The following RYR2 variants were observed in gnomAD, a reference collection of about 807,000 sequenced individuals.
RYR2 encodes ryanodine receptor 2, also known as cardiac muscle ryanodine receptor-calcium release channel.
In RYR2, 227 loss-of-function variants were observed where a neutral mutation model predicts 601.1. The ratio of observed to expected loss-of-function variants is 0.38; its 90% CI spans 0.34 to 0.42. RYR2 has a LOEUF of 0.42. Among genes scored for constraint, RYR2 ranks in the 10% least tolerant of loss-of-function variants. RYR2 has a pLI of 1.00. For synonymous variants in RYR2, 2,223 were observed against 2,175.1 expected, an observed-to-expected ratio of 1.02 and a Z score of -0.61; for missense variants, 4,646 against 6,156.5, an observed-to-expected ratio of 0.75 and a Z score of 8.21.
intron 1 of RYR2, among the ~76,000 whole-genome samples, chr1:237,115,242 C>G (rs889858337): frequency 2.0e-5 from 3 of 152,108 alleles, no homozygotes; most frequent in Non-Finnish European, 4.4e-5. Flanking sequence ...CCACACCCCC[C>G]CCCTTGCTCT....
chr1:237,267,288 G>C (rs1689172911), intron 1 of RYR2, among the ~76,000 whole-genome samples: 1 of 152,226 alleles, frequency 6.6e-6, no homozygotes, highest in African/African-American at 2.4e-5. Flanking sequence ...GGAGGCCGAG[G>C]TGGGTGGATT....
At chr1:237,254,908 T>C (rs1444318032) in intron 1 of RYR2, among the ~76,000 whole-genome samples, 1 of 152,192 alleles carries the variant, frequency 6.6e-6, no homozygotes, top group African/African-American at 2.4e-5. Context: ...GGAGATGCCT[T>C]GGAGTGCTAA....
intron 63 of RYR2, among the ~76,000 whole-genome samples, chr1:237,697,561 CCTG>C (rs1001312424): frequency 6.9e-5 from 10 of 144,056 alleles, no homozygotes; most frequent in African/African-American, 2.3e-4. Context: ...TTAACTGTGG[CCTG>C]CTATTATGTT....
chr1:237,792,406 T>TGTGTGC lies in RYR2; in HGVS notation c.13782+88_13782+89insCGTGTG, dbSNP rs1658556619. On this transcript the variant is annotated intron_variant, in intron 94 of 104. Transcript: ENST00000366574. ...GCGTGTGTGTGTGTGTGCGTGTGTG[T>TGTGTGC]GTGTGTGTGTGTGTGTGTTTTGCAG... 7.1e-6 allele frequency: 5 copies of TGTGTGC among 704,702 alleles called. No homozygotes were observed. In the African/African-American group the frequency reaches 9.1e-5, roughly 13 times the overall value. The allele number at this position is 704,702 out of a possible 1,614,324, so 43.7% of individuals were successfully genotyped here. A position where few individuals can be genotyped will look rare whatever the true frequency, so the allele number is the denominator to read the frequency against.
At position 237,456,882 on chromosome 1, in the gene RYR2, G is replaced by A. The variant is rs1327644838; in HGVS notation, c.1612+147G>A. 4.8e-6 allele frequency: 4 copies of A among 838,764 alleles called. No homozygotes were observed. The South Asian group carries it at 8.0e-5, about 17-fold the overall frequency. 52.0% of individuals were successfully genotyped at this position (838,764 alleles called of 1,614,324 possible). ...ATTTGAGGCCAGGAATTTGAGACCA[G>A]CCTGGACAACATAGCAAGACCCCAT... On this transcript the variant is annotated intron_variant, in intron 16 of 104. Coordinates refer to ENST00000366574, the MANE Select transcript of RYR2 (RefSeq NM_001035.3).
chr1:237,668,061 A>T, intron 58 of RYR2, 103 bp downstream of exon 58: 2 of 868,574 alleles, frequency 2.3e-6, no homozygotes, highest in South Asian at 3.5e-5. Context: ...TAACTTTTTA[A>T]AATCAGAACG....
chr1:237,514,243 A>G (rs1399460317), intron 24 of RYR2, among the ~76,000 whole-genome samples: 2 of 152,220 alleles, frequency 1.3e-5, no homozygotes, highest in Non-Finnish European at 2.9e-5. Flanking sequence ...TTAGCAATTG[A>G]CAGCTAAGCC....
chr1:237,797,950 T>C, intron 96 of RYR2, 87 bp from the exon 97 acceptor site: 1 of 1,210,480 alleles, frequency 8.3e-7, no homozygotes, highest in African/African-American at 1.6e-5. Context: ...ACAGTAAGTA[T>C]AAAAATAATT....
intron 6 of RYR2, 105 bp from the exon 7 acceptor site, chr1:237,374,612 C>G: frequency 1.1e-6 from 1 of 878,634 alleles, no homozygotes; most frequent in South Asian, 1.4e-5. Context: ...GAGCTGTGAT[C>G]ACGCCACTGC....
intron 99 of RYR2, 58 bp downstream of exon 99, chr1:237,806,341 A>G (rs1185153544): frequency 2.7e-6 from 4 of 1,506,736 alleles, no homozygotes; most frequent in Middle Eastern, 3.5e-4. Context: ...AAATAAAACA[A>G]AGAAAAATAA....
chr1:237,493,079 T>C lies in RYR2; in HGVS notation c.1953T>C (p.His651=), dbSNP rs1663595328. 6.2e-7 allele frequency: 1 copy of C among 1,613,660 alleles called. No individual in the cohort carries two copies. The highest frequency in any genetic ancestry group is 1.3e-5 in the African/African-American group (1 of 75,048). The change falls in exon 19 of 105, where the codon CAT becomes CAC. Residue 651 remains histidine, a synonymous_variant. Transcript: ENST00000366574. The part of the protein sequence containing the change: ...DLLLQTRLVN[H]VSSMRPNIFL... Reference sequence around the variant, plus strand: ...TATTGCAGACACGTCTTGTGAACCATGTCAGCAGGTAAATTCAGACAGACA... The same window carrying C: ...TATTGCAGACACGTCTTGTGAACCACGTCAGCAGGTAAATTCAGACAGACA...
At chr1:237,268,935 CAAAAA>C (rs1160004017) in intron 1 of RYR2, among the ~76,000 whole-genome samples, 1 of 16,226 alleles carries the variant, frequency 6.2e-5, no homozygotes, top group African/African-American at 1.8e-4. Context: ...ACTCTTGTCT[CAAAAA>C]AAAAAAAAAA....
chr1:237,491,513 CTG>C, intron 17 of RYR2, among the ~76,000 whole-genome samples: 1 of 152,230 alleles, frequency 6.6e-6, no homozygotes, highest in Non-Finnish European at 1.5e-5. Flanking sequence ...GGCCCCACCT[CTG>C]TGTTGCTTCG....
intron 59 of RYR2, 110 bp downstream of exon 59, chr1:237,674,329 G>A: frequency 1.2e-6 from 1 of 861,980 alleles, no homozygotes. Flanking sequence ...TTACACTTTT[G>A]AGGTACTGTT....
At chr1:237,050,727 A>G (rs1473511074) in intron 1 of RYR2, among the ~76,000 whole-genome samples, 3 of 152,222 alleles carry the variant, frequency 2.0e-5, no homozygotes, top group East Asian at 1.9e-4. Context: ...TCAAGAAAAG[A>G]AAAAGAAAGC....
chr1:237,685,459 T>C lies in RYR2; in HGVS notation c.9018-1996T>C, dbSNP rs187290139. Reference sequence around the variant, plus strand: ...TGAGACATAGAGCAGTCTGCCATTATAGCAAAACATCCTAGGTTTGGATTA... The same window carrying C: ...TGAGACATAGAGCAGTCTGCCATTACAGCAAAACATCCTAGGTTTGGATTA... On this transcript the variant is annotated intron_variant, in intron 62 of 104. Coordinates refer to ENST00000366574, the MANE Select transcript of RYR2 (RefSeq NM_001035.3). Among the ~76,000 whole-genome samples, 8 of 152,342 alleles carry C rather than the reference T, an allele frequency of 5.3e-5. No individual in the cohort carries two copies. The East Asian group carries it at 1.5e-3, about 29-fold the overall frequency.
At chr1:237,507,602 C>T (rs549438663) in intron 23 of RYR2, among the ~76,000 whole-genome samples, 1 of 152,272 alleles carries the variant, frequency 6.6e-6, no homozygotes, top group East Asian at 1.9e-4. Context: ...TGTGATACTC[C>T]ACACTACTCA....
chr1:237,548,231 A>G (rs1670022785), intron 25 of RYR2, among the ~76,000 whole-genome samples, 200 bp from the exon 26 acceptor site: 1 of 152,200 alleles, frequency 6.6e-6, no homozygotes, highest in Non-Finnish European at 1.5e-5. Flanking sequence ...AAACAAAAAC[A>G]CAAAGATTAT....
Position 237,510,619 on chromosome 1 carries a change from A to T in RYR2, c.2719-1069A>T, listed in dbSNP as rs146507844. Among the ~76,000 whole-genome samples the T allele has an allele frequency of 1.6e-3, 240 of 152,304 alleles. 2 individuals carry two copies. Among genetic ancestry groups the T allele is most frequent in the African/African-American group, 5.6e-3 (231 of 41,564 alleles). On this transcript the variant is annotated intron_variant, in intron 23 of 104. Transcript: ENST00000366574. Reference sequence around the variant, plus strand: ...ATTTCTAACTTGGTGACTGCTGAAGACTTAAAAAAAAAGCTCACTCATGTT... The same window carrying T: ...ATTTCTAACTTGGTGACTGCTGAAGTCTTAAAAAAAAAGCTCACTCATGTT...
Sources: gnomAD v4.1 joint callset for allele counts (sites outside exome capture counted in the v4.1 genomes callset) on GRCh38, gnomAD v4.1.1 for gene constraint, MANE v1.5 for transcripts, NCBI Gene and HGNC (gene_info 2026-07-23, HGNC 2026-07-21) for gene names.